The following KCNH1 variants were observed in gnomAD, a reference collection of about 807,000 sequenced individuals.
The protein encoded by KCNH1 is potassium voltage-gated channel subfamily H member 1.
In KCNH1, 27 loss-of-function variants were observed where a neutral mutation model predicts 69.2. The observed-to-expected ratio is 0.39, with a 90% CI of 0.29 to 0.54. The LOEUF (loss-of-function observed/expected upper bound fraction) is 0.54, where lower values mean the gene tolerates loss of function less well. Among genes scored for constraint, KCNH1 ranks in the 20% least tolerant of loss-of-function variants. The pLI, the probability that KCNH1 is intolerant of heterozygous loss-of-function variation, is 0.68. For missense variants in KCNH1, 798 were observed against 1,261.6 expected (o/e 0.63, Z 5.57); for synonymous variants, 456 against 487.7 (o/e 0.93, Z 0.86).
At chr1:210,686,442 T>G (rs1257881388) in intron 10 of KCNH1, among the ~76,000 whole-genome samples, 3 of 152,228 alleles carry the variant, frequency 2.0e-5, no homozygotes, top group Non-Finnish European at 2.9e-5. Context: ...ATGGTCAGAC[T>G]GTTCTTCTGT....
intron 7 of KCNH1, among the ~76,000 whole-genome samples, chr1:210,857,241 T>C (rs61848963): frequency 0.059 from 8,960 of 152,170 alleles, 366 homozygotes; most frequent in Non-Finnish European, 0.092. Flanking sequence ...TTTACCCTTG[T>C]TAAGGGAATT....
chr1:210,961,738 G>A (rs1688299021), intron 6 of KCNH1, among the ~76,000 whole-genome samples: 1 of 152,016 alleles, frequency 6.6e-6, no homozygotes, highest in South Asian at 2.1e-4. Flanking sequence ...TACTTGGGAG[G>A]CTTAGGCAGG....
intron 3 of KCNH1, among the ~76,000 whole-genome samples, chr1:211,099,834 G>A (rs1040615829): frequency 6.6e-6 from 1 of 152,004 alleles, no homozygotes; most frequent in Non-Finnish European, 1.5e-5. Flanking sequence ...ACTAAGGGAG[G>A]AGCCCATCAC....
chr1:211,049,851 C>T (rs370064731), intron 5 of KCNH1, among the ~76,000 whole-genome samples: 1 of 152,118 alleles, frequency 6.6e-6, no homozygotes, highest in South Asian at 2.1e-4. Context: ...TAACAAGGGT[C>T]GCCAGTACCT....
chr1:210,804,565 T>G (rs1684495045), intron 7 of KCNH1, among the ~76,000 whole-genome samples: 1 of 152,208 alleles, frequency 6.6e-6, no homozygotes. Flanking sequence ...TGTGTGCCTA[T>G]GTGTTCCACA....
chr1:210,998,435 A>G (rs1234189608), intron 6 of KCNH1, among the ~76,000 whole-genome samples: 2 of 152,226 alleles, frequency 1.3e-5, no homozygotes, highest in Non-Finnish European at 2.9e-5. Flanking sequence ...ATAATGGTAA[A>G]GGGATCAATT....
intron 7 of KCNH1, among the ~76,000 whole-genome samples, chr1:210,904,578 C>T (rs1687059775): frequency 6.6e-6 from 1 of 152,190 alleles, no homozygotes. Flanking sequence ...GACTGGCCAC[C>T]TTCTTGCACT....
chr1:210,809,840 G>T lies in KCNH1; in HGVS notation c.1463-5674C>A, dbSNP rs576360924. Among the ~76,000 whole-genome samples the T allele has an allele frequency of 2.2e-4, 34 of 152,264 alleles. 1 individual carries two copies. The South Asian group carries it at 4.4e-3, about 20-fold the overall frequency. The stretch of plus-strand genomic sequence containing the variant: ...ACTAAGGGCGTTTAGTGAGATAGGG[G>T]TTATAACAAAGCATGTTTAACCTCT... On this transcript the variant is annotated intron_variant, in intron 7 of 10. Coordinates refer to ENST00000271751, the MANE Select transcript of KCNH1 (RefSeq NM_172362.3).
intron 8 of KCNH1, among the ~76,000 whole-genome samples, chr1:210,800,094 C>T (rs1182975858): frequency 6.6e-6 from 1 of 152,242 alleles, no homozygotes; most frequent in African/African-American, 2.4e-5. Context: ...TACAGATGCC[C>T]TTGCTCTGTG....
At position 210,682,093 on chromosome 1, in the gene KCNH1, T is replaced by G. The variant is rs1489451484; in HGVS notation, c.*1188A>C. The G allele has an allele frequency of 6.6e-6, 1 of 152,224 alleles. No individual in the cohort carries two copies. The highest frequency in any genetic ancestry group is 2.4e-5 in the African/African-American group (1 of 41,472). 9.4% of individuals were successfully genotyped at this position (152,224 alleles called of 1,614,324 possible). ...TTACAGAGAGCTGGAAACTCACTGCTTCATTCTCTTTCCAGCTCCTGAAGA... is the reference window on the plus strand; with the variant it reads ...TTACAGAGAGCTGGAAACTCACTGCGTCATTCTCTTTCCAGCTCCTGAAGA... On this transcript the variant is annotated 3_prime_UTR_variant, in exon 11 of 11. Coordinates refer to ENST00000271751, the MANE Select transcript of KCNH1 (RefSeq NM_172362.3).
intron 1 of KCNH1, among the ~76,000 whole-genome samples, chr1:211,110,292 GA>G (rs1691434591): frequency 6.6e-6 from 1 of 152,102 alleles, no homozygotes; most frequent in Admixed American, 6.6e-5. Flanking sequence ...TGGAAACCAG[GA>G]AAAAATAGCT....
chr1:210,911,329 T>C (rs114070067), intron 7 of KCNH1, among the ~76,000 whole-genome samples: 349 of 152,264 alleles, frequency 2.3e-3, no homozygotes, highest in African/African-American at 8.2e-3. Flanking sequence ...TGGAGACTCA[T>C]CTCATTGACT....
chr1:211,120,318 T>C (rs980118446), intron 1 of KCNH1, among the ~76,000 whole-genome samples: 1 of 152,046 alleles, frequency 6.6e-6, no homozygotes, highest in Non-Finnish European at 1.5e-5. Flanking sequence ...GCCTCCTTAC[T>C]AGCTGGAGTT....
intron 10 of KCNH1, among the ~76,000 whole-genome samples, chr1:210,748,371 T>A (rs1683209354): frequency 6.6e-6 from 1 of 152,138 alleles, no homozygotes; most frequent in African/African-American, 2.4e-5. Context: ...AAGAAACCCT[T>A]AGTTAACGAA....
At chr1:211,077,349 G>T (rs755478027) in intron 5 of KCNH1, among the ~76,000 whole-genome samples, 2 of 152,076 alleles carry the variant, frequency 1.3e-5, no homozygotes, top group Admixed American at 1.3e-4. Context: ...GTTAAGGGCA[G>T]CCAGGTAGAA....
intron 6 of KCNH1, among the ~76,000 whole-genome samples, chr1:210,992,962 G>A (rs1049808237): frequency 6.6e-6 from 1 of 152,100 alleles, no homozygotes; most frequent in African/African-American, 2.4e-5. Flanking sequence ...GAGAGGACAA[G>A]CTGTCTCCAG....
At chr1:210,984,355 T>A (rs1383846374) in intron 6 of KCNH1, among the ~76,000 whole-genome samples, 1 of 152,216 alleles carries the variant, frequency 6.6e-6, no homozygotes, top group Non-Finnish European at 1.5e-5. Context: ...TTGTGCCAGT[T>A]TTCAAAGGGA....
intron 7 of KCNH1, among the ~76,000 whole-genome samples, chr1:210,869,563 T>C (rs1443298312): frequency 6.6e-6 from 1 of 150,808 alleles, no homozygotes; most frequent in Non-Finnish European, 1.5e-5. Context: ...GATTGGATGC[T>C]GGACATTGCG....
intron 1 of KCNH1, among the ~76,000 whole-genome samples, chr1:211,119,085 G>A (rs974797131): frequency 2.0e-5 from 3 of 152,238 alleles, no homozygotes; most frequent in African/African-American, 7.2e-5. Context: ...TTGAGGCCGG[G>A]CGCGGTGGCT....
Sources: allele counts gnomAD v4.1 joint callset (sites outside exome capture counted in the v4.1 genomes callset), GRCh38; gene constraint gnomAD v4.1.1; transcripts MANE v1.5; gene names NCBI Gene and HGNC (gene_info 2026-07-23, HGNC 2026-07-21).